Variants in ZNF280D observed in about 807,000 individuals in gnomAD.
The protein encoded by ZNF280D is suppressor of hairy wing homolog 4.
Under a neutral mutation model 94.7 loss-of-function variants are expected in ZNF280D, and 39 were observed. That is an observed-to-expected ratio of 0.41 (90% CI 0.32 to 0.54). The LOEUF (loss-of-function observed/expected upper bound fraction) is 0.54, where lower values mean the gene tolerates loss of function less well. Among genes scored for constraint, ZNF280D ranks in the 20% least tolerant of loss-of-function variants. The pLI is 0.22. For missense variants in ZNF280D, 1,090 were observed against 1,149.3 expected (o/e 0.95, Z 0.75); for synonymous variants, 398 against 377.6 (o/e 1.05, Z -0.63).
intron 20 of ZNF280D, among the ~76,000 whole-genome samples, chr15:56,642,167 T>C (rs1245783625): frequency 6.6e-6 from 1 of 151,452 alleles, no homozygotes; most frequent in African/African-American, 2.4e-5. Flanking sequence ...CAAGAAGAAA[T>C]AGATTAAAAA....
intron 20 of ZNF280D, among the ~76,000 whole-genome samples, chr15:56,642,407 A>G (rs2052672653): frequency 6.6e-6 from 1 of 151,810 alleles, no homozygotes; most frequent in Non-Finnish European, 1.5e-5. Flanking sequence ...ATATCAACAT[A>G]AATTGACATC....
chr15:56,717,483 T>G (rs1336922223), intron 1 of ZNF280D, among the ~76,000 whole-genome samples: 1 of 152,138 alleles, frequency 6.6e-6, no homozygotes, highest in Non-Finnish European at 1.5e-5. Context: ...TTACTTGTTT[T>G]GAGCAAACTA....
intron 1 of ZNF280D, among the ~76,000 whole-genome samples, chr15:56,719,788 T>C (rs1307237835): frequency 1.3e-5 from 2 of 148,528 alleles, no homozygotes; most frequent in Non-Finnish European, 3.0e-5. Flanking sequence ...TCTCAGTGAA[T>C]ATAAAAGTTA....
intron 1 of ZNF280D, among the ~76,000 whole-genome samples, chr15:56,718,274 G>C (rs1188456945): frequency 2.0e-5 from 3 of 152,006 alleles, no homozygotes; most frequent in East Asian, 3.9e-4. Context: ...TCAACACTGA[G>C]AACAAAAGTC....
At chr15:56,730,794 T>C (rs988450738) in intron 1 of ZNF280D, among the ~76,000 whole-genome samples, 1 of 152,178 alleles carries the variant, frequency 6.6e-6, no homozygotes, top group African/African-American at 2.4e-5. Flanking sequence ...TCCAAAGCCA[T>C]ACCTAAACGA....
chr15:56,683,936 G>A (rs2055818563), intron 9 of ZNF280D, among the ~76,000 whole-genome samples: 1 of 152,206 alleles, frequency 6.6e-6, no homozygotes, highest in Non-Finnish European at 1.5e-5. Flanking sequence ...AGGGGACCCA[G>A]TGGTAACAGA....
chr15:56,727,206 A>G (rs2058669135), intron 1 of ZNF280D, among the ~76,000 whole-genome samples: 1 of 140,744 alleles, frequency 7.1e-6, no homozygotes, highest in Non-Finnish European at 1.5e-5. Context: ...GTGGTGGCTC[A>G]TGCCTGTAAT....
At chr15:56,714,367 C>T (rs1423348242) in intron 1 of ZNF280D, among the ~76,000 whole-genome samples, 2 of 151,750 alleles carry the variant, frequency 1.3e-5, no homozygotes, top group Non-Finnish European at 2.9e-5. Flanking sequence ...TATTGTCTCC[C>T]GATAATAAGC....
intron 9 of ZNF280D, among the ~76,000 whole-genome samples, chr15:56,686,889 C>T (rs1323849733): frequency 6.6e-6 from 1 of 151,996 alleles, no homozygotes; most frequent in Non-Finnish European, 1.5e-5. Context: ...AAGCTTAGTA[C>T]TGTGTCTGAC....
intron 12 of ZNF280D, 63 bp from the exon 13 acceptor site, chr15:56,676,879 G>T: frequency 8.2e-7 from 1 of 1,218,768 alleles, no homozygotes; most frequent in African/African-American, 1.5e-5. Flanking sequence ...AATTACAAAG[G>T]AACAATGATG....
chr15:56,688,385 G>A (rs2056185878), intron 9 of ZNF280D, among the ~76,000 whole-genome samples: 4 of 151,760 alleles, frequency 2.6e-5, no homozygotes, highest in Admixed American at 2.6e-4. Context: ...CAGCTACTTG[G>A]GAGGCTGAGG....
chr15:56,698,555 G>A (rs2056881908), intron 6 of ZNF280D: 1 of 152,288 alleles, frequency 6.6e-6, no homozygotes, highest in African/African-American at 2.4e-5. Flanking sequence ...CCATGTAAAT[G>A]TCATTACCCA....
rs1596310684 is a variant in ZNF280D at position 56,632,206 on chromosome 15, A to C, written c.2316-84T>G. The C allele has an allele frequency of 2.1e-5, 27 of 1,274,516 alleles. No individual in the cohort carries two copies. In the East Asian group the frequency reaches 6.7e-4, roughly 31 times the overall value. The allele number at this position is 1,274,516 out of a possible 1,614,324, so 79.0% of individuals were successfully genotyped here. ...TCAAAATAAAGACGTGTTCTAAAAA[A>C]TAAAAAGTCAAGGTACATTTGCCCA... is the stretch of plus-strand genomic sequence containing the variant. On this transcript the variant is annotated intron_variant, in intron 21 of 21. Coordinates refer to ENST00000267807, the MANE Select transcript of ZNF280D (RefSeq NM_017661.4).
Position 56,706,748 on chromosome 15 carries a change from C to T in ZNF280D, c.28+334G>A, listed in dbSNP as rs505106. Among the ~76,000 whole-genome samples the T allele has an allele frequency of 9.3e-3, 1,416 of 151,922 alleles. 21 individuals are homozygous for T. Among genetic ancestry groups the T allele is most frequent in the African/African-American group, 0.033 (1,349 of 41,416 alleles). On this transcript the variant is annotated intron_variant, in intron 3 of 21. Coordinates refer to ENST00000267807, the MANE Select transcript of ZNF280D (RefSeq NM_017661.4). Reference sequence around the variant, plus strand: ...ACAGGGCACTGTCATTGTTAATATACCCAGGACATATTTTTGAGAAAAAAA... The same window carrying T: ...ACAGGGCACTGTCATTGTTAATATATCCAGGACATATTTTTGAGAAAAAAA...
At chr15:56,653,474 G>C (rs1249742381) in intron 19 of ZNF280D, 3 of 1,504,728 alleles carry the variant, frequency 2.0e-6, no homozygotes, top group Non-Finnish European at 2.6e-6. Context: ...CCTAAGAGCA[G>C]GTCCCACAGT....
At chr15:56,668,790 C>T (rs1470650003) in intron 14 of ZNF280D, 33 bp downstream of exon 14, 1 of 1,524,674 alleles carries the variant, frequency 6.6e-7, no homozygotes, top group African/African-American at 1.4e-5. Context: ...TATTATCATA[C>T]AAAATGTTAA....
In ZNF280D at chr15:56,666,719, T is replaced by G. The variant is rs776872701; in HGVS notation, c.1813A>C (p.Asn605His). 3.1e-6 allele frequency: 5 copies of G among 1,610,308 alleles called. No homozygotes were observed. The highest frequency in any genetic ancestry group is 3.3e-4 in the Middle Eastern group (2 of 6,058). ...GCTGTATTGACTTTACTTTTTTTATTGCTACTAGCCAATGTGCTTTGTTTC... is the reference window on the plus strand; with the variant it reads ...GCTGTATTGACTTTACTTTTTTTATGGCTACTAGCCAATGTGCTTTGTTTC... ...QKKQSTLASS[N>H]KKSKVNTALR... is the part of the protein sequence containing the mutation. The change falls in exon 15 of 22, where the codon AAT (asparagine) becomes CAT (histidine). Residue 605 changes from asparagine to histidine, a missense_variant. This residue lies in a region of ZNF280D where 577 missense variants were observed against 568.8 expected (regional missense o/e 1.01). Coordinates refer to ENST00000267807, the MANE Select transcript of ZNF280D (RefSeq NM_017661.4).
rs1334618595 is a variant in ZNF280D at position 56,631,442 on chromosome 15, T to G, written c.*56A>C. On this transcript the variant is annotated 3_prime_UTR_variant, in exon 22 of 22. Coordinates refer to ENST00000267807, the MANE Select transcript of ZNF280D (RefSeq NM_017661.4). The stretch of plus-strand genomic sequence containing the variant: ...CAACAGCACCACTGAGCTCACCTGA[T>G]AGCACTGTTCCAAATGCCCTTATCG... 5.1e-6 allele frequency: 8 copies of G among 1,573,866 alleles called. No homozygotes were observed. Among genetic ancestry groups the G allele is most frequent in the Non-Finnish European group, 6.9e-6 (8 of 1,155,582 alleles).
At chr15:56,632,822 A>AAGCT (rs2052150188) in intron 21 of ZNF280D, among the ~76,000 whole-genome samples, 1 of 152,094 alleles carries the variant, frequency 6.6e-6, no homozygotes, top group South Asian at 2.1e-4. Flanking sequence ...TTATGTTTAG[A>AAGCT]ATGTCTTTCC....
Sources: allele counts gnomAD v4.1 joint callset (sites outside exome capture counted in the v4.1 genomes callset), GRCh38; gene constraint gnomAD v4.1.1; regional missense constraint gnomAD v4.1.1; transcripts MANE v1.5; gene names NCBI Gene and HGNC (gene_info 2026-07-23, HGNC 2026-07-21).